NFATC2: variants seen among roughly 807,000 people sequenced by gnomAD.
NFATC2 encodes the protein nuclear factor of activated T-cells, cytoplasmic 2.
NFATC2 carries 22 observed loss-of-function variants against 87.3 expected under a neutral mutation model. The observed-to-expected ratio is 0.25, with a 90% CI of 0.18 to 0.36. The LOEUF is 0.36. Among genes scored for constraint, NFATC2 ranks in the 10% least tolerant of loss-of-function variants. The pLI, the probability that NFATC2 is intolerant of heterozygous loss-of-function variation, is 1.00. For synonymous variants in NFATC2, 565 were observed against 542.2 expected (o/e 1.04, Z -0.58); for missense variants, 1,149 against 1,259.1 (o/e 0.91, Z 1.32).
intron 3 of NFATC2, among the ~76,000 whole-genome samples, chr20:51,511,600 A>G (rs1245684496): frequency 6.6e-6 from 1 of 152,166 alleles, no homozygotes; most frequent in African/African-American, 2.4e-5. Context: ...CTTCTCCGCC[A>G]TCCATCCAAC....
At chr20:51,532,770 G>C (rs914350300) in intron 1 of NFATC2, among the ~76,000 whole-genome samples, 1 of 152,214 alleles carries the variant, frequency 6.6e-6, no homozygotes, top group Non-Finnish European at 1.5e-5. Flanking sequence ...TGGAATTTTC[G>C]GGAAGCAGAA....
intron 10 of NFATC2, among the ~76,000 whole-genome samples, chr20:51,395,125 G>A (rs1166880282): frequency 6.6e-6 from 1 of 152,210 alleles, no homozygotes; most frequent in Non-Finnish European, 1.5e-5. Flanking sequence ...AAGAATACGA[G>A]CCATTCACAT....
In NFATC2 at chr20:51,402,039, C is replaced by G. The variant is rs117299539; in HGVS notation, c.2723-3309G>C. Among the ~76,000 whole-genome samples, 92 of 152,336 alleles carry G rather than the reference C, an allele frequency of 6.0e-4. No homozygotes were observed. The East Asian group carries it at 0.015, about 24-fold the overall frequency. On this transcript the variant is annotated intron_variant, in intron 9 of 10. Transcript: ENST00000371564. ...GGGAATCAGGCACTGGTCTAAGGGACGTCCAGTTTTGTGTTTCTACAATGC... is the reference window on the plus strand; with the variant it reads ...GGGAATCAGGCACTGGTCTAAGGGAGGTCCAGTTTTGTGTTTCTACAATGC...
At chr20:51,521,777 AC>A (rs2076449694) in intron 2 of NFATC2, among the ~76,000 whole-genome samples, 2 of 152,180 alleles carry the variant, frequency 1.3e-5, no homozygotes, top group Non-Finnish European at 1.5e-5. Context: ...GCCCTCATGT[AC>A]CTCCTTTGTC....
intron 9 of NFATC2, among the ~76,000 whole-genome samples, chr20:51,425,783 G>A (rs761204855): frequency 1.3e-5 from 2 of 152,106 alleles, no homozygotes; most frequent in South Asian, 2.1e-4. Context: ...TTCCTCCCCC[G>A]CCTGTTTCTC....
intron 10 of NFATC2, among the ~76,000 whole-genome samples, chr20:51,397,674 G>A (rs904874861): frequency 6.6e-6 from 1 of 152,152 alleles, no homozygotes; most frequent in African/African-American, 2.4e-5. Flanking sequence ...AGTGGCAGAT[G>A]GCTGGAGAAT....
chr20:51,562,832 G>A, upstream of NFATC2: 3 of 526,362 alleles, frequency 5.7e-6, no homozygotes, highest in South Asian at 2.8e-5. The surrounding 1 kb of genome is among the most constrained non-coding windows in gnomAD (Gnocchi z 5.8). Flanking sequence ...TTACTCCAGA[G>A]GCAACGCGAC....
At chr20:51,541,843 C>T (rs2076821957) in intron 1 of NFATC2, among the ~76,000 whole-genome samples, 1 of 152,208 alleles carries the variant, frequency 6.6e-6, no homozygotes. Flanking sequence ...TCAACCACTG[C>T]TCACAGGAGG....
At chr20:51,545,425 CCAAT>C (rs1386556754), upstream of NFATC2, among the ~76,000 whole-genome samples, 1 of 152,210 alleles carries the variant, frequency 6.6e-6, no homozygotes, top group African/African-American at 2.4e-5. Flanking sequence ...CCAGACTGCG[CCAAT>C]CAGAGAATTT....
At chr20:51,402,738 CCAGGTGGATTAG>C (rs1421370399) in intron 9 of NFATC2, among the ~76,000 whole-genome samples, 1 of 152,158 alleles carries the variant, frequency 6.6e-6, no homozygotes. Flanking sequence ...TCAGACACTC[CCAGGTGGATTAG>C]CAGGTGGGAG....
intron 1 of NFATC2, among the ~76,000 whole-genome samples, chr20:51,550,934 C>CACATA (rs2076927911): frequency 6.6e-6 from 1 of 152,328 alleles, no homozygotes; most frequent in East Asian, 1.9e-4. Flanking sequence ...ACACATAAGT[C>CACATA]ACACATTTTC....
At chr20:51,403,789 T>G (rs868111141) in intron 9 of NFATC2, among the ~76,000 whole-genome samples, 3 of 152,180 alleles carry the variant, frequency 2.0e-5, no homozygotes, top group Non-Finnish European at 2.9e-5. Flanking sequence ...TTCTCCAGAA[T>G]CCTGGTCTTG....
intron 10 of NFATC2, among the ~76,000 whole-genome samples, chr20:51,392,598 A>ATG (rs1986487481): frequency 6.6e-6 from 1 of 152,184 alleles, no homozygotes; most frequent in African/African-American, 2.4e-5. Context: ...CATACTGACT[A>ATG]GTCGTGGGGT....
chr20:51,398,577 A>C, intron 10 of NFATC2, 66 bp downstream of exon 10: 1 of 1,229,202 alleles, frequency 8.1e-7, no homozygotes, highest in Non-Finnish European at 1.1e-6. Flanking sequence ...ACTTAAAAAA[A>C]AAAAAATTCA....
At chr20:51,559,418 C>T (rs2077003814) in intron 1 of NFATC2, among the ~76,000 whole-genome samples, 2 of 152,192 alleles carry the variant, frequency 1.3e-5, no homozygotes, top group Admixed American at 6.5e-5. Flanking sequence ...TCTGGTCCCA[C>T]CTCGGTCACC....
In NFATC2 at chr20:51,388,929, C is replaced by T. The variant is rs1986047162; in HGVS notation, c.*2567G>A. 1 of 152,210 alleles carries T rather than the reference C, an allele frequency of 6.6e-6. No homozygotes were observed. The highest frequency in any genetic ancestry group is 2.1e-4 in the South Asian group (1 of 4,836). The allele number at this position is 152,210 out of a possible 1,614,324, so 9.4% of individuals were successfully genotyped here. The stretch of plus-strand genomic sequence containing the variant: ...GCCTCTTCCCGTACTGGAAATATTT[C>T]ATGAGCCATCCTTCTTGGCAAAATT... On this transcript the variant is annotated 3_prime_UTR_variant, in exon 11 of 11. Transcript: ENST00000371564.
chr20:51,448,065 C>A (rs1386362172), intron 6 of NFATC2, among the ~76,000 whole-genome samples: 1 of 152,154 alleles, frequency 6.6e-6, no homozygotes, highest in African/African-American at 2.4e-5. Flanking sequence ...GTGCCGGGGA[C>A]CACTCTGGAT....
chr20:51,484,312 G>A (rs1008331042), intron 3 of NFATC2, among the ~76,000 whole-genome samples: 2 of 151,962 alleles, frequency 1.3e-5, no homozygotes, highest in African/African-American at 4.8e-5. Context: ...CCAGACAGCC[G>A]CACCCCAATG....
chr20:51,464,306 C>T (rs1281057857), intron 5 of NFATC2, among the ~76,000 whole-genome samples: 1 of 152,240 alleles, frequency 6.6e-6, no homozygotes, highest in Non-Finnish European at 1.5e-5. Context: ...CTGTGTGAGA[C>T]ACACACGCAT....
Sources: allele counts gnomAD v4.1 joint callset (sites outside exome capture counted in the v4.1 genomes callset), GRCh38; gene constraint gnomAD v4.1.1; non-coding constraint Gnocchi (gnomAD v3.1); transcripts MANE v1.5; gene names NCBI Gene and HGNC (gene_info 2026-07-23, HGNC 2026-07-21).